The following SLX4 variants were observed in gnomAD, a reference collection of about 807,000 sequenced individuals.
SLX4 encodes structure-specific endonuclease subunit SLX4.
A neutral mutation model predicts 146.2 loss-of-function variants in SLX4; 112 were observed. The observed-to-expected ratio is 0.77, with a 90% CI of 0.66 to 0.90. SLX4 has a LOEUF of 0.90. Among genes scored for constraint, SLX4 ranks in the 40% least tolerant of loss-of-function variants. The pLI, the probability that SLX4 is intolerant of heterozygous loss-of-function variation, is 0.00. For missense variants in SLX4, 2,563 were observed against 2,392.7 expected (o/e 1.07, Z -1.49); for synonymous variants, 1,061 against 997.7 (o/e 1.06, Z -1.20).
chr16:3,589,733 T>C lies in SLX4; in HGVS notation c.3905A>G (p.Asn1302Ser). The change falls in exon 12 of 15, where the codon AAC becomes AGC. Residue 1302 changes from asparagine to serine, a missense_variant. Transcript: ENST00000294008. This position sits in a 1 kb window ranked among gnomAD's most constrained non-coding sequence, Gnocchi z 6.2. ...GACAGAAAACTTCTGTGCGACTTCG[T>C]TCCCTTCCCTGTTTCCTACTGAGGC... is the stretch of plus-strand genomic sequence containing the variant. ...PRASVGNREG[N>S]EVAQKFSVIR... 4 of 1,613,922 alleles carry C rather than the reference T, an allele frequency of 2.5e-6. No homozygotes were observed. Among genetic ancestry groups the C allele is most frequent in the Non-Finnish European group, 3.4e-6 (4 of 1,180,034 alleles).
chr16:3,606,758 C>T, intron 2 of SLX4, 60 bp from the exon 3 acceptor site: 1 of 1,577,742 alleles, frequency 6.3e-7, no homozygotes, highest in Non-Finnish European at 8.7e-7. Context: ...AAAGACTTTT[C>T]TACCAGATAC....
At chr16:3,588,861 T>C in intron 12 of SLX4, 141 bp downstream of exon 12, 3 of 1,043,002 alleles carry the variant, frequency 2.9e-6, no homozygotes, top group Non-Finnish European at 3.0e-6. Context: ...GAGGGGAGTC[T>C]GGAAGGCAGC....
chr16:3,611,058 A>T (rs1017163018), intron 1 of SLX4, among the ~76,000 whole-genome samples: 1 of 152,208 alleles, frequency 6.6e-6, no homozygotes, highest in African/African-American at 2.4e-5. Context: ...TTACTGAATG[A>T]CATAACGGAT....
intron 13 of SLX4, 134 bp downstream of exon 13, chr16:3,584,635 C>T: frequency 1.3e-6 from 1 of 782,986 alleles, no homozygotes; most frequent in Non-Finnish European, 2.3e-6. Flanking sequence ...ACCTTTCTTC[C>T]CAAGCCCAGG....
intron 3 of SLX4, among the ~76,000 whole-genome samples, chr16:3,604,536 C>A (rs139483900): frequency 6.6e-6 from 1 of 151,902 alleles, no homozygotes. Flanking sequence ...AAAATATGTA[C>A]GCTTGGCTAG....
At chr16:3,602,062 T>C in intron 4 of SLX4, 56 bp downstream of exon 4, 1 of 1,610,404 alleles carries the variant, frequency 6.2e-7, no homozygotes, top group Non-Finnish European at 8.5e-7. Context: ...AGCCCTGGGG[T>C]GCTTGGGGAT....
At chr16:3,606,812 G>T in intron 2 of SLX4, 114 bp from the exon 3 acceptor site, 2 of 1,109,634 alleles carry the variant, frequency 1.8e-6, no homozygotes, top group Non-Finnish European at 2.7e-6. Context: ...ACTAGTTTAG[G>T]TTTGACTCAC....
chr16:3,582,161 G>C lies in SLX4; in HGVS notation c.*181C>G. 1 of 613,378 alleles carries C rather than the reference G, an allele frequency of 1.6e-6. No individual in the cohort carries two copies. Among genetic ancestry groups the C allele is most frequent in the Non-Finnish European group, 2.9e-6 (1 of 346,258 alleles). 38.0% of individuals were successfully genotyped at this position (613,378 alleles called of 1,614,324 possible). ...TCCAAATGCCACCCTAGAAAGCAGAGCCCAGAGGAGGAAGCCCTGGATTGG... is the reference window on the plus strand; with the variant it reads ...TCCAAATGCCACCCTAGAAAGCAGACCCCAGAGGAGGAAGCCCTGGATTGG... On this transcript the variant is annotated 3_prime_UTR_variant, in exon 15 of 15. Coordinates refer to ENST00000294008, the MANE Select transcript of SLX4 (RefSeq NM_032444.4).
In SLX4 at chr16:3,581,849, C is replaced by A. The variant is rs530681898; in HGVS notation, c.*493G>T. 427 of 183,556 alleles carry A rather than the reference C, an allele frequency of 2.3e-3. No individual in the cohort carries two copies. The highest frequency in any genetic ancestry group is 8.9e-3 in the African/African-American group (376 of 42,238). 11.4% of individuals were successfully genotyped at this position (183,556 alleles called of 1,614,324 possible). On this transcript the variant is annotated 3_prime_UTR_variant, in exon 15 of 15. Transcript: ENST00000294008. ...CCTGAGCTCTGGAGTTTGTGACCAG[C>A]CTGAGCAACATGGTGAAACCCCGTT... is the stretch of plus-strand genomic sequence containing the variant.
At chr16:3,601,684 A>G (rs2040728803) in intron 4 of SLX4, 1 of 308,292 alleles carries the variant, frequency 3.2e-6, no homozygotes, top group Non-Finnish European at 6.3e-6. Context: ...TACAACATGG[A>G]TGAACCTCAA....
chr16:3,603,338 C>A (rs767097883), intron 3 of SLX4, among the ~76,000 whole-genome samples: 4 of 152,250 alleles, frequency 2.6e-5, no homozygotes, highest in Non-Finnish European at 5.9e-5. Context: ...GCCACCGCGT[C>A]CAGCCTGGTT....
intron 9 of SLX4, 110 bp from the exon 10 acceptor site, chr16:3,594,709 A>AC (rs2040631793): frequency 1.4e-6 from 2 of 1,439,426 alleles, no homozygotes; most frequent in South Asian, 2.3e-5. Context: ...GGGAGCCAGG[A>AC]CCTGCATTCT....
At chr16:3,604,267 G>C (rs2040759772) in intron 3 of SLX4, among the ~76,000 whole-genome samples, 1 of 151,526 alleles carries the variant, frequency 6.6e-6, no homozygotes, top group Non-Finnish European at 1.5e-5. Flanking sequence ...AGGAAATGGG[G>C]GACTATTCTA....
chr16:3,601,872 T>G, intron 4 of SLX4: 1 of 495,006 alleles, frequency 2.0e-6, no homozygotes, highest in Admixed American at 3.2e-5. Context: ...AATCCAGAAG[T>G]GATTGTGGTG....
chr16:3,582,440 T>G lies in SLX4; in HGVS notation c.5407A>C (p.Thr1803Pro). 1.9e-6 allele frequency: 3 copies of G among 1,613,880 alleles called. No individual in the cohort carries two copies. In the African/African-American group the frequency reaches 4.0e-5, roughly 22 times the overall value. Residue 1803 changes from threonine to proline, a missense_variant, in exon 15 of 15, where the codon ACC becomes CCC. Thr to Pro is a conservative substitution (Grantham distance 38). Transcript: ENST00000294008. ...SSRRLLDFLD[T>P]HCITFTTAAT... is the part of the protein sequence containing the mutation. ...GCAGTGGTGAAGGTGATACAGTGGGTGTCCAGGAAGTCCAACAGCCTGCGC... is the reference window on the plus strand; with the variant it reads ...GCAGTGGTGAAGGTGATACAGTGGGGGTCCAGGAAGTCCAACAGCCTGCGC...
Position 3,582,549 on chromosome 16 carries a change from CA to C in SLX4, c.5297del (p.Leu1766ArgfsTer20), listed in dbSNP as rs2040450952. On this transcript the variant is annotated frameshift_variant, in exon 15 of 15. Transcript: ENST00000294008. LOFTEE classifies it low-confidence loss of function (END_TRUNC). ...LRCYIRSKPALYQKVLLYQPF... is the reference protein window; with the variant it reads ...LRCYIRSKPAXYQKVLLYQPF... The stretch of plus-strand genomic sequence containing the variant: ...GCTGGTACAGCAGCACCTTCTGGTA[CA>C]GGGCCGGCTTGGAGCGGATGTAGCA... 6.2e-7 allele frequency: 1 copy of C among 1,613,822 alleles called. No homozygotes were observed. Among genetic ancestry groups the C allele is most frequent in the African/African-American group, 1.3e-5 (1 of 74,952 alleles).
In SLX4 at chr16:3,597,560, G is replaced by A. The variant is rs759525267; in HGVS notation, c.1502C>T (p.Pro501Leu). 1 of 1,614,148 alleles carries A rather than the reference G, an allele frequency of 6.2e-7. No individual in the cohort carries two copies. Among genetic ancestry groups the A allele is most frequent in the South Asian group, 1.1e-5 (1 of 91,076 alleles). The change falls in exon 7 of 15, where the codon CCA (proline) becomes CTA (leucine). Residue 501 changes from proline to leucine, a missense_variant. By Grantham distance (98) the Pro-to-Leu change is moderately conservative. Coordinates refer to ENST00000294008, the MANE Select transcript of SLX4 (RefSeq NM_032444.4). The surrounding 1 kb of genome is among the most constrained non-coding windows in gnomAD (Gnocchi z 4.4). ...LSEEVELSSTPPLPASRILKE... is the reference protein window; with the variant it reads ...LSEEVELSSTLPLPASRILKE... ...TAAAATCCTGCTGGCAGGAAGTGGT[G>A]GCGTGCTAGACAATTCCACTTCCTC...
intron 14 of SLX4, 44 bp from the exon 15 acceptor site, chr16:3,582,737 C>G (rs779598005): frequency 6.5e-7 from 1 of 1,543,956 alleles, no homozygotes. Context: ...CCTTTCTCTC[C>G]AGCCCCTGAG....
chr16:3,587,702 C>G (rs771074213), intron 12 of SLX4, among the ~76,000 whole-genome samples: 1 of 151,860 alleles, frequency 6.6e-6, no homozygotes, highest in Non-Finnish European at 1.5e-5. Context: ...GTCACCCTCC[C>G]GAAGCAAGGC....
Sources: allele counts gnomAD v4.1 joint callset (sites outside exome capture counted in the v4.1 genomes callset), GRCh38; gene constraint gnomAD v4.1.1; non-coding constraint Gnocchi (gnomAD v3.1); transcripts MANE v1.5; gene names NCBI Gene and HGNC (gene_info 2026-07-23, HGNC 2026-07-21).